The following MMP26 variants were observed in gnomAD, a reference collection of about 807,000 sequenced individuals.
The protein encoded by MMP26 is matrix metallopeptidase 26.
MMP26 carries 33 observed loss-of-function variants against 31.0 expected under a neutral mutation model. The ratio of observed to expected loss-of-function variants is 1.06; its 90% CI spans 0.81 to 1.42. The LOEUF (loss-of-function observed/expected upper bound fraction) is 1.42. Among genes scored for constraint, MMP26 ranks in the 40% most tolerant of loss-of-function variants. MMP26 has a pLI of 0.00. For missense variants in MMP26, 347 were observed against 316.1 expected, an observed-to-expected ratio of 1.10 and a Z score of -0.74; for synonymous variants, 122 against 114.9, an observed-to-expected ratio of 1.06 and a Z score of -0.40.
intron 2 of MMP26, among the ~76,000 whole-genome samples, chr11:4,828,650 C>T (rs1008658264): frequency 6.6e-6 from 1 of 152,060 alleles, no homozygotes; most frequent in African/African-American, 2.4e-5. Flanking sequence ...TGAACACAAC[C>T]GTTTAGGGTT....
chr11:4,977,559 C>G (rs1846754838), intron 2 of MMP26, among the ~76,000 whole-genome samples: 1 of 152,122 alleles, frequency 6.6e-6, no homozygotes, highest in Non-Finnish European at 1.5e-5. Flanking sequence ...GGAATGAGTG[C>G]TTCAGTTCTG....
At chr11:4,878,915 G>A (rs559080530) in intron 2 of MMP26, among the ~76,000 whole-genome samples, 25 of 152,114 alleles carry the variant, frequency 1.6e-4, no homozygotes, top group African/African-American at 6.0e-4. Flanking sequence ...TACGTATATA[G>A]TGAGAATATA....
intron 1 of MMP26, among the ~76,000 whole-genome samples, chr11:4,715,460 C>A (rs931871255): frequency 1.3e-5 from 2 of 151,532 alleles, no homozygotes; most frequent in Non-Finnish European, 2.9e-5. Context: ...ATACGTAGTT[C>A]GGTGGATCAA....
At chr11:4,968,608 T>C (rs1327059022) in intron 2 of MMP26, among the ~76,000 whole-genome samples, 1 of 152,000 alleles carries the variant, frequency 6.6e-6, no homozygotes, top group African/African-American at 2.4e-5. Context: ...ACTATTCTGA[T>C]AAGACACAGA....
At position 4,949,569 on chromosome 11, in the gene MMP26, T is replaced by C. The variant is rs763648652; in HGVS notation, c.-144-38499T>C. On this transcript the variant is annotated intron_variant, in intron 2 of 7. Transcript: ENST00000380390. ...TGAGATACAGCTAAAGCAGTTCCTA[T>C]ACAGAAAATTATAGGTTAAATTTAT... 1.6e-5 allele frequency among the ~76,000 whole-genome samples: 2 copies of C among 122,408 alleles called. 1 individual carries two copies. Among genetic ancestry groups the C allele is most frequent in the Non-Finnish European group, 3.7e-5 (2 of 54,168 alleles). 80.3% of individuals were successfully genotyped at this position (122,408 alleles called of 152,430 possible). A position where few individuals can be genotyped will look rare whatever the true frequency, so the allele number is the denominator to read the frequency against.
chr11:4,944,342 C>T (rs1357045385), intron 2 of MMP26: 2 of 171,028 alleles, frequency 1.2e-5, no homozygotes, highest in African/African-American at 4.8e-5. Flanking sequence ...ATCAAACTCT[C>T]AGAGCCTCAA....
chr11:4,907,864 A>T, intron 2 of MMP26: 1 of 1,613,874 alleles, frequency 6.2e-7, no homozygotes, highest in Non-Finnish European at 8.5e-7. Context: ...CCTTAAGGAG[A>T]TTAAAATATT....
At chr11:4,870,503 G>T (rs368182450) in intron 2 of MMP26, among the ~76,000 whole-genome samples, 12 of 152,124 alleles carry the variant, frequency 7.9e-5, no homozygotes, top group Non-Finnish European at 1.0e-4. Flanking sequence ...GGTGAAGATG[G>T]ATTTTATAAT....
chr11:4,911,363 G>A (rs2133569850), intron 2 of MMP26, among the ~76,000 whole-genome samples: 1 of 152,260 alleles, frequency 6.6e-6, no homozygotes, highest in Admixed American at 6.5e-5. Context: ...TGCAAAATGT[G>A]CCAGACATCC....
intron 2 of MMP26, among the ~76,000 whole-genome samples, chr11:4,863,044 G>C (rs1850185750): frequency 6.6e-6 from 1 of 152,142 alleles, no homozygotes; most frequent in Admixed American, 6.6e-5. Context: ...GAAATGACCA[G>C]CTGGTTCATC....
intron 2 of MMP26, chr11:4,877,800 A>G (rs562084044): frequency 6.6e-6 from 1 of 152,204 alleles, no homozygotes; most frequent in Non-Finnish European, 1.5e-5. Flanking sequence ...GAAATTGCAT[A>G]ATGGTTTTCA....
intron 2 of MMP26, chr11:4,915,515 A>G: frequency 1.2e-6 from 2 of 1,614,136 alleles, no homozygotes; most frequent in Non-Finnish European, 1.7e-6. Context: ...GATAAAAAGA[A>G]TTGTGCAGTT....
intron 1 of MMP26, chr11:4,724,153 TG>T: frequency 1.7e-6 from 1 of 583,586 alleles, no homozygotes. Flanking sequence ...GTAGGACTTC[TG>T]GGTTACCCTG....
chr11:4,731,273 T>C (rs920317586), intron 1 of MMP26, among the ~76,000 whole-genome samples: 1 of 152,154 alleles, frequency 6.6e-6, no homozygotes, highest in Non-Finnish European at 1.5e-5. Context: ...CTTTGGGTTT[T>C]AGAGATGGAC....
chr11:4,810,446 A>C (rs544204354), intron 2 of MMP26, among the ~76,000 whole-genome samples: 1 of 152,304 alleles, frequency 6.6e-6, no homozygotes, highest in South Asian at 2.1e-4. Context: ...TGCTTTAAGT[A>C]TGTATCATTA....
intron 2 of MMP26, among the ~76,000 whole-genome samples, chr11:4,983,418 C>T (rs1846842940): frequency 2.0e-5 from 3 of 152,160 alleles, no homozygotes; most frequent in Admixed American, 2.0e-4. Context: ...ATCAATTTTC[C>T]AATGCCCCAC....
chr11:4,938,829 T>C (rs112284297), intron 2 of MMP26, among the ~76,000 whole-genome samples: 2,828 of 152,164 alleles, frequency 0.019, 34 homozygotes, highest in Middle Eastern at 0.037. Context: ...CATAATTACA[T>C]GATCTTAGGG....
intron 2 of MMP26, among the ~76,000 whole-genome samples, chr11:4,970,204 A>T (rs1029254177): frequency 3.3e-5 from 5 of 152,244 alleles, no homozygotes; most frequent in Non-Finnish European, 7.3e-5. Context: ...ATTTCTGTCC[A>T]AACAGTATTT....
intron 2 of MMP26, among the ~76,000 whole-genome samples, chr11:4,948,821 G>C (rs376101939): frequency 3.2e-5 from 4 of 124,728 alleles, no homozygotes; most frequent in African/African-American, 1.1e-4. Context: ...TTACTTCTTA[G>C]TTGCCAATTG....
Sources: gnomAD v4.1 joint callset for allele counts (sites outside exome capture counted in the v4.1 genomes callset) on GRCh38, gnomAD v4.1.1 for gene constraint, MANE v1.5 for transcripts, NCBI Gene and HGNC (gene_info 2026-07-23, HGNC 2026-07-21) for gene names.